LOC122539214: variants seen among roughly 807,000 people sequenced by gnomAD.
the LOC122539214 span, chr19:52,654,007 A>G: frequency 7.2e-6 from 11 of 1,529,664 alleles, no homozygotes; most frequent in Non-Finnish European, 9.0e-6. Context: ...CCTACAAGAA[A>G]TTCTTTGGGA....
chr19:52,687,552 G>A, the LOC122539214 span, among the ~76,000 whole-genome samples: 128 of 20,848 alleles, frequency 6.1e-3, 25 homozygotes, highest in African/African-American at 0.017. Context: ...TAAATTATAT[G>A]TGTAAATTTT....
the LOC122539214 span, among the ~76,000 whole-genome samples, chr19:52,666,618 C>CAAAAA: frequency 3.8e-5 from 4 of 105,798 alleles, no homozygotes; most frequent in African/African-American, 6.7e-5. Context: ...TATCCTAAGT[C>CAAAAA]AAAAAAAAAA....
the LOC122539214 span, among the ~76,000 whole-genome samples, chr19:52,671,180 T>C: frequency 6.6e-6 from 1 of 152,122 alleles, no homozygotes; most frequent in Non-Finnish European, 1.5e-5. Context: ...ACTTTCTTCT[T>C]TGCCATATGT....
chr19:52,683,226 CTCTGTGTGTGTGTG>C, the LOC122539214 span, among the ~76,000 whole-genome samples: 5,535 of 135,720 alleles, frequency 0.041, 142 homozygotes, highest in Non-Finnish European at 0.061. Flanking sequence ...TGCCCTGTGA[CTCTGTGTGTGTGTG>C]TGTGTGTGTG....
At chr19:52,666,893 A>G in the LOC122539214 span, among the ~76,000 whole-genome samples, 4 of 152,246 alleles carry the variant, frequency 2.6e-5, no homozygotes, top group African/African-American at 9.6e-5. Context: ...TAAGTGATAA[A>G]GAAACTCTTG....
At chr19:52,677,056 T>C in the LOC122539214 span, among the ~76,000 whole-genome samples, 1 of 147,354 alleles carries the variant, frequency 6.8e-6, no homozygotes, top group African/African-American at 2.5e-5. Flanking sequence ...TCTGCTGACC[T>C]TCCCTCCACT....
the LOC122539214 span, among the ~76,000 whole-genome samples, chr19:52,690,182 G>GAAAAAA: frequency 1.5e-5 from 2 of 132,188 alleles, no homozygotes; most frequent in Non-Finnish European, 3.2e-5. Context: ...ATGATTTTGA[G>GAAAAAA]AAAAAAAAAA....
At chr19:52,687,035 G>T in the LOC122539214 span, among the ~76,000 whole-genome samples, 1 of 151,668 alleles carries the variant, frequency 6.6e-6, no homozygotes, top group Non-Finnish European at 1.5e-5. Context: ...TACAAAATTG[G>T]CCCAGAGTGG....
At chr19:52,679,088 T>C in the LOC122539214 span, among the ~76,000 whole-genome samples, 1 of 152,116 alleles carries the variant, frequency 6.6e-6, no homozygotes, top group Non-Finnish European at 1.5e-5. Flanking sequence ...CTACAACAAA[T>C]TGAACAAAGG....
At chr19:52,684,719 C>T in the LOC122539214 span, among the ~76,000 whole-genome samples, 1 of 151,992 alleles carries the variant, frequency 6.6e-6, no homozygotes. Flanking sequence ...GAGAAAGGGA[C>T]AATGCAGTGA....
the LOC122539214 span, among the ~76,000 whole-genome samples, chr19:52,677,183 AAAAC>A: frequency 6.6e-6 from 1 of 151,870 alleles, no homozygotes; most frequent in South Asian, 2.1e-4. Context: ...CAAAAAAACA[AAAAC>A]AAAAACAAAA....
the LOC122539214 span, among the ~76,000 whole-genome samples, chr19:52,687,949 G>A: frequency 6.6e-6 from 1 of 151,870 alleles, no homozygotes; most frequent in Non-Finnish European, 1.5e-5. Flanking sequence ...AACTCAATAA[G>A]TCACTGCTCT....
At chr19:52,655,467 G>A in the LOC122539214 span, 1 of 1,172,310 alleles carries the variant, frequency 8.5e-7, no homozygotes, top group Non-Finnish European at 1.2e-6. Context: ...TCAAAAGCAT[G>A]TATGCGGCAA....
the LOC122539214 span, among the ~76,000 whole-genome samples, chr19:52,660,412 G>T: frequency 6.7e-6 from 1 of 148,226 alleles, no homozygotes; most frequent in African/African-American, 2.6e-5. Context: ...TGAAGTCAGG[G>T]ATTTGAGACC....
At chr19:52,656,864 C>CAAAAAAAAAA in the LOC122539214 span, among the ~76,000 whole-genome samples, 1 of 136,564 alleles carries the variant, frequency 7.3e-6, no homozygotes, top group Non-Finnish European at 1.6e-5. Context: ...GACTCCGTCT[C>CAAAAAAAAAA]AAAAAAAAAA....
the LOC122539214 span, among the ~76,000 whole-genome samples, chr19:52,658,136 CAA>C: frequency 4.7e-4 from 49 of 103,750 alleles, 1 homozygote; most frequent in Admixed American, 1.2e-3. Context: ...AACTTCATCT[CAA>C]AAAAAAAAAA....
chr19:52,655,691 A>C, the LOC122539214 span: 184 of 1,052,102 alleles, frequency 1.7e-4, no homozygotes, highest in Non-Finnish European at 2.5e-4. Flanking sequence ...AGCATCCCTA[A>C]AATTAAACAC....
the LOC122539214 span, among the ~76,000 whole-genome samples, chr19:52,653,535 A>G: frequency 6.6e-6 from 1 of 152,134 alleles, no homozygotes; most frequent in South Asian, 2.1e-4. Context: ...GTGATCTGCA[A>G]CTGTAAACTT....
chr19:52,666,148 A>G, the LOC122539214 span, among the ~76,000 whole-genome samples: 3 of 137,806 alleles, frequency 2.2e-5, no homozygotes, highest in East Asian at 6.4e-4. Context: ...TGGGCAACAG[A>G]GCAAGACTCC....
Sources: gnomAD v4.1 joint callset for allele counts (sites outside exome capture counted in the v4.1 genomes callset) on GRCh38, gnomAD v4.1.1 for gene constraint, MANE v1.5 for transcripts.